CDH13: variants seen among roughly 807,000 people sequenced by gnomAD.
CDH13 encodes cadherin-13.
CDH13 carries 24 observed loss-of-function variants against 63.8 expected under a neutral mutation model. The ratio of observed to expected loss-of-function variants is 0.38; its 90% CI spans 0.27 to 0.53. The LOEUF is 0.53. Among genes scored for constraint, CDH13 ranks in the 20% least tolerant of loss-of-function variants. CDH13 has a pLI of 0.85. For synonymous variants in CDH13, 503 were observed against 355.3 expected (o/e 1.42, Z -4.67); for missense variants, 1,049 against 903.1 (o/e 1.16, Z -2.07).
intron 7 of CDH13, among the ~76,000 whole-genome samples, chr16:83,524,769 AC>A (rs2074921465): frequency 6.6e-6 from 1 of 151,466 alleles, no homozygotes; most frequent in Admixed American, 6.6e-5. Flanking sequence ...ATGTCTTAAC[AC>A]CCCCTCTTAC....
At chr16:82,974,439 G>T (rs992131070) in intron 2 of CDH13, among the ~76,000 whole-genome samples, 10 of 152,118 alleles carry the variant, frequency 6.6e-5, no homozygotes, top group African/African-American at 2.2e-4. Flanking sequence ...GGGTGTAAAA[G>T]GTTCCTTGGC....
At chr16:83,441,604 C>T (rs2072481944) in intron 6 of CDH13, among the ~76,000 whole-genome samples, 1 of 152,112 alleles carries the variant, frequency 6.6e-6, no homozygotes, top group Admixed American at 6.5e-5. Flanking sequence ...AGTTGGGCAG[C>T]TTTTGCAAGC....
At chr16:83,015,724 A>ATAGAGAGAG (rs1555562946) in intron 2 of CDH13, among the ~76,000 whole-genome samples, 1 of 49,096 alleles carries the variant, frequency 2.0e-5, no homozygotes, top group Admixed American at 2.4e-4. Context: ...TATATATATA[A>ATAGAGAGAG]AGAAAAAGCA....
At chr16:83,223,259 C>G (rs1173401597) in intron 5 of CDH13, among the ~76,000 whole-genome samples, 2 of 152,186 alleles carry the variant, frequency 1.3e-5, no homozygotes, top group Non-Finnish European at 2.9e-5. Context: ...AATATGGTGC[C>G]TGGCACCTTG....
chr16:83,195,691 C>T (rs2038858249), intron 4 of CDH13, among the ~76,000 whole-genome samples: 1 of 152,106 alleles, frequency 6.6e-6, no homozygotes, highest in Non-Finnish European at 1.5e-5. Context: ...GGCAGGCACA[C>T]AGATCCAAAC....
At chr16:83,606,631 G>A (rs966554705) in intron 8 of CDH13, among the ~76,000 whole-genome samples, 1 of 151,426 alleles carries the variant, frequency 6.6e-6, no homozygotes, top group African/African-American at 2.4e-5. Context: ...GGAGGCTGCG[G>A]TAGGAGGATC....
intron 6 of CDH13, among the ~76,000 whole-genome samples, chr16:83,405,589 C>G (rs1475344191): frequency 1.3e-5 from 2 of 152,206 alleles, no homozygotes; most frequent in Non-Finnish European, 2.9e-5. Context: ...CTCCCGACCT[C>G]CAGAACTGTC....
intron 4 of CDH13, among the ~76,000 whole-genome samples, chr16:83,150,367 A>T (rs991468446): frequency 4.6e-5 from 7 of 151,848 alleles, no homozygotes; most frequent in African/African-American, 1.7e-4. Context: ...CCCTATCCCT[A>T]CCCACTTTTC....
At chr16:83,250,253 T>C (rs1905363551) in intron 5 of CDH13, among the ~76,000 whole-genome samples, 1 of 152,168 alleles carries the variant, frequency 6.6e-6, no homozygotes, top group Admixed American at 6.5e-5. Flanking sequence ...AAAAAAGTCA[T>C]TTTTCCTCCT....
At chr16:83,072,261 T>C (rs2032493419) in intron 3 of CDH13, among the ~76,000 whole-genome samples, 1 of 152,200 alleles carries the variant, frequency 6.6e-6, no homozygotes, top group African/African-American at 2.4e-5. Flanking sequence ...CAAACTCACT[T>C]GTCCAAGGTG....
At chr16:82,649,522 C>A (rs907172862) in intron 1 of CDH13, among the ~76,000 whole-genome samples, 1 of 152,094 alleles carries the variant, frequency 6.6e-6, no homozygotes. Flanking sequence ...AAGGTCCTTC[C>A]AGTTAAATAA....
At chr16:82,720,213 A>G (rs1301904307) in intron 1 of CDH13, among the ~76,000 whole-genome samples, 1 of 152,210 alleles carries the variant, frequency 6.6e-6, no homozygotes, top group East Asian at 1.9e-4. Flanking sequence ...AAAGGTTTGC[A>G]AAGCGAAAAT....
At chr16:83,636,009 C>T (rs1422948438) in intron 8 of CDH13, among the ~76,000 whole-genome samples, 1 of 151,888 alleles carries the variant, frequency 6.6e-6, no homozygotes, top group East Asian at 1.9e-4. Flanking sequence ...AGGTTGAGTT[C>T]ATTTATCTGC....
chr16:83,309,622 A>G (rs1451460486), intron 5 of CDH13, among the ~76,000 whole-genome samples: 1 of 151,684 alleles, frequency 6.6e-6, no homozygotes, highest in African/African-American at 2.4e-5. Context: ...TGATCCACCC[A>G]CCTTGGCCTC....
intron 7 of CDH13, among the ~76,000 whole-genome samples, chr16:83,524,294 T>C (rs1365611145): frequency 6.6e-6 from 1 of 152,102 alleles, no homozygotes; most frequent in African/African-American, 2.4e-5. Context: ...TAGACACTTA[T>C]TTAGTGTGTT....
At chr16:82,884,810 T>G (rs2040825065) in intron 2 of CDH13, among the ~76,000 whole-genome samples, 1 of 152,216 alleles carries the variant, frequency 6.6e-6, no homozygotes, top group Admixed American at 6.5e-5. Context: ...TTTTGAAAAC[T>G]TCAGCAGCCA....
intron 11 of CDH13, 58 bp downstream of exon 11, chr16:83,748,308 C>T: frequency 2.0e-6 from 3 of 1,492,694 alleles, no homozygotes; most frequent in Non-Finnish European, 2.7e-6. Context: ...TATACTTTTA[C>T]ATTTTTAAAT....
chr16:83,720,366 T>G (rs1909530116), intron 10 of CDH13, among the ~76,000 whole-genome samples: 1 of 152,118 alleles, frequency 6.6e-6, no homozygotes, highest in Admixed American at 6.6e-5. Context: ...CACTCTCCAG[T>G]AAGCTTTTTG....
intron 6 of CDH13, among the ~76,000 whole-genome samples, chr16:83,356,387 T>A (rs1378405559): frequency 6.6e-6 from 1 of 151,852 alleles, no homozygotes; most frequent in East Asian, 1.9e-4. Context: ...AGCCAGATTC[T>A]CCCCCTAGCG....
Sources: gnomAD v4.1 joint callset for allele counts (sites outside exome capture counted in the v4.1 genomes callset) on GRCh38, gnomAD v4.1.1 for gene constraint, MANE v1.5 for transcripts, NCBI Gene and HGNC (gene_info 2026-07-23, HGNC 2026-07-21) for gene names.